NIBAN2: variants seen among roughly 807,000 people sequenced by gnomAD.
The protein encoded by NIBAN2 is niban apoptosis regulator 2, also known as protein Niban 2.
In NIBAN2, 36 loss-of-function variants were observed where a neutral mutation model predicts 81.8. The observed-to-expected ratio is 0.44, with a 90% CI of 0.34 to 0.58. The LOEUF (loss-of-function observed/expected upper bound fraction) is 0.58. Among genes scored for constraint, NIBAN2 ranks in the 20% least tolerant of loss-of-function variants. NIBAN2 has a pLI of 0.02. For synonymous variants in NIBAN2, 445 were observed against 441.6 expected (o/e 1.01, Z -0.10); for missense variants, 897 against 1,014.1 (o/e 0.88, Z 1.57).
rs1230242603 is a variant in NIBAN2, at chr9:127,554,548, CTTTTTTTTTTTTT to C, written c.55+14259_55+14271del. 3.0e-4 allele frequency among the ~76,000 whole-genome samples: 31 copies of C among 103,694 alleles called. 1 individual carries two copies. The highest frequency in any genetic ancestry group is 2.6e-3 in the Admixed American group (23 of 8,750). 68.0% of individuals were successfully genotyped at this position (103,694 alleles called of 152,430 possible). A position where few individuals can be genotyped will look rare whatever the true frequency, so the allele number is the denominator to read the frequency against. The stretch of plus-strand genomic sequence containing the variant: ...GGGTTATTCTTTTCTTTTTCTTTTT[CTTTTTTTTTTTTT>C]TTTTTTTTTTGCTTTTTGAGACAGG... On this transcript the variant is annotated intron_variant, in intron 1 of 13. Coordinates refer to ENST00000373312, the MANE Select transcript of NIBAN2 (RefSeq NM_022833.4).
intron 3 of NIBAN2, among the ~76,000 whole-genome samples, chr9:127,526,207 C>T (rs529587104): frequency 4.0e-4 from 61 of 152,018 alleles, no homozygotes; most frequent in African/African-American, 1.4e-3. Flanking sequence ...CAAGACCATC[C>T]GGGCCAACAT....
At chr9:127,534,096 G>T (rs181452678) in intron 1 of NIBAN2, among the ~76,000 whole-genome samples, 11 of 152,214 alleles carry the variant, frequency 7.2e-5, no homozygotes, top group Admixed American at 5.2e-4. Context: ...GCTGCAGCTC[G>T]CGTCCCAACT....
In NIBAN2 at chr9:127,508,067, G is replaced by A. The variant is rs893484306; in HGVS notation, c.1542+26C>T. The A allele has an allele frequency of 1.1e-5, 18 of 1,611,540 alleles. No homozygotes were observed. Among genetic ancestry groups the A allele is most frequent in the African/African-American group, 2.7e-5 (2 of 74,890 alleles). On this transcript the variant is annotated intron_variant, in intron 12 of 13. Coordinates refer to ENST00000373312, the MANE Select transcript of NIBAN2 (RefSeq NM_022833.4). This position sits in a 1 kb window ranked among gnomAD's most constrained non-coding sequence, Gnocchi z 6.4. ...CCATCCCCCAACTTAGGGCCCAAAC[G>A]GCTGGAGCAGGTGGGGGCTGCTCAC...
chr9:127,558,773 A>C (rs1311232287), intron 1 of NIBAN2, among the ~76,000 whole-genome samples: 1 of 152,214 alleles, frequency 6.6e-6, no homozygotes, highest in Non-Finnish European at 1.5e-5. Context: ...CTCCTCCTCT[A>C]GATGCCTGAA....
At chr9:127,537,716 A>T (rs752980865) in intron 1 of NIBAN2, among the ~76,000 whole-genome samples, 1 of 152,208 alleles carries the variant, frequency 6.6e-6, no homozygotes, top group South Asian at 2.1e-4. Flanking sequence ...CTTTGCCCCA[A>T]CACACACCAT....
At chr9:127,550,287 C>T (rs1837552975) in intron 1 of NIBAN2, among the ~76,000 whole-genome samples, 1 of 152,184 alleles carries the variant, frequency 6.6e-6, no homozygotes, top group East Asian at 1.9e-4. Flanking sequence ...TCCTTCCTGA[C>T]ACATTGGGAA....
At chr9:127,526,438 C>A (rs2806717) in intron 3 of NIBAN2, among the ~76,000 whole-genome samples, 66,336 of 149,356 alleles carry the variant, frequency 0.44, 15,554 homozygotes, top group Non-Finnish European at 0.51. Flanking sequence ...AGATGCAAAT[C>A]TTGGCTCCCA....
At chr9:127,527,610 C>T (rs1039922719) in intron 2 of NIBAN2, among the ~76,000 whole-genome samples, 11 of 152,332 alleles carry the variant, frequency 7.2e-5, no homozygotes, top group Middle Eastern at 3.4e-3. Flanking sequence ...GGCCTGGCCA[C>T]AGCCAGGCTC....
In NIBAN2 at chr9:127,517,779, T is replaced by G; in HGVS notation, c.705+47A>C. The G allele has an allele frequency of 7.0e-6, 10 of 1,425,412 alleles. No individual in the cohort carries two copies. Among genetic ancestry groups the G allele is most frequent in the Non-Finnish European group, 8.9e-6 (9 of 1,016,458 alleles). 88.3% of individuals were successfully genotyped at this position (1,425,412 alleles called of 1,614,324 possible). A position where few individuals can be genotyped will look rare whatever the true frequency, so the allele number is the denominator to read the frequency against. ...CCACCCCCTGCCCTCCCCTGCTGGG[T>G]CCTTGGGTGACTTCTGAGGTTTCCT... On this transcript the variant is annotated intron_variant, in intron 6 of 13. Transcript: ENST00000373312. This position sits in a 1 kb window ranked among gnomAD's most constrained non-coding sequence, Gnocchi z 4.0.
chr9:127,520,728 C>CA (rs1465720246), intron 5 of NIBAN2, among the ~76,000 whole-genome samples: 2 of 151,706 alleles, frequency 1.3e-5, no homozygotes, highest in Non-Finnish European at 2.9e-5. Flanking sequence ...ATTCTGGCTA[C>CA]AAAAAATTAG....
chr9:127,520,849 A>G (rs1588158707), intron 5 of NIBAN2, among the ~76,000 whole-genome samples: 1 of 152,080 alleles, frequency 6.6e-6, no homozygotes, highest in South Asian at 2.1e-4. Context: ...GCGCCACTGC[A>G]CTCCAGCCTG....
rs572486535 is a variant in NIBAN2 at position 127,507,725 on chromosome 9, C to T, written c.1654+142G>A. ...TAAGGCTGCTCCGGAGGCCACACAG[C>T]GAAGAGTGGGCTTCACCCAGACCCC... On this transcript the variant is annotated intron_variant, in intron 13 of 13. Coordinates refer to ENST00000373312, the MANE Select transcript of NIBAN2 (RefSeq NM_022833.4). The surrounding 1 kb of genome is among the most constrained non-coding windows in gnomAD (Gnocchi z 6.8). 1.3e-4 allele frequency: 104 copies of T among 779,886 alleles called. No homozygotes were observed. In the African/African-American group the frequency reaches 1.5e-3, roughly 11 times the overall value. The allele number at this position is 779,886 out of a possible 1,614,324, so 48.3% of individuals were successfully genotyped here.
intron 1 of NIBAN2, among the ~76,000 whole-genome samples, chr9:127,538,138 G>T (rs937624394): frequency 1.3e-5 from 2 of 152,174 alleles, no homozygotes; most frequent in African/African-American, 4.8e-5. Flanking sequence ...CAGCAAGTTG[G>T]TTGAATAAGG....
chr9:127,527,027 G>T (rs1355255955), intron 3 of NIBAN2, among the ~76,000 whole-genome samples, 167 bp downstream of exon 3: 1 of 152,190 alleles, frequency 6.6e-6, no homozygotes, highest in African/African-American at 2.4e-5. Flanking sequence ...AGGGCACCCA[G>T]GGCAGCCCAG....
chr9:127,531,888 T>C (rs1837190900), intron 1 of NIBAN2, 110 bp from the exon 2 acceptor site: 1 of 1,450,876 alleles, frequency 6.9e-7, no homozygotes, highest in Non-Finnish European at 9.4e-7. Flanking sequence ...GCATGTGGAA[T>C]TGTTTGCACA....
chr9:127,526,758 A>G (rs933652703), intron 3 of NIBAN2, among the ~76,000 whole-genome samples: 5 of 152,152 alleles, frequency 3.3e-5, no homozygotes, highest in Non-Finnish European at 5.9e-5. Flanking sequence ...ACCCACCTGT[A>G]GGGCAGGGGC....
In NIBAN2 at chr9:127,548,522, G is replaced by C. The variant is rs866467186; in HGVS notation, c.56-16744C>G. ...TTCCTGTAGGCAGCCTTAGGGGGTG[G>C]AGAAGTCCAAAGACCAACAGTGCTT... On this transcript the variant is annotated intron_variant, in intron 1 of 13. Transcript: ENST00000373312. Among the ~76,000 whole-genome samples, 4 of 152,312 alleles carry C rather than the reference G, an allele frequency of 2.6e-5. No homozygotes were observed. In the South Asian group the frequency reaches 8.3e-4, roughly 32 times the overall value.
At chr9:127,555,540 G>A (rs940865033) in intron 1 of NIBAN2, among the ~76,000 whole-genome samples, 6 of 152,284 alleles carry the variant, frequency 3.9e-5, no homozygotes, top group African/African-American at 1.2e-4. Context: ...AGTGGGGAGC[G>A]GCAGCTCACG....
intron 4 of NIBAN2, among the ~76,000 whole-genome samples, chr9:127,524,234 A>G (rs1428190035): frequency 6.6e-6 from 1 of 152,168 alleles, no homozygotes; most frequent in Non-Finnish European, 1.5e-5. Context: ...GTGTGGCTTA[A>G]GTGTCCACAG....
Sources: gnomAD v4.1 joint callset for allele counts (sites outside exome capture counted in the v4.1 genomes callset) on GRCh38, gnomAD v4.1.1 for gene constraint, Gnocchi (gnomAD v3.1) non-coding constraint, MANE v1.5 for transcripts, NCBI Gene and HGNC (gene_info 2026-07-23, HGNC 2026-07-21) for gene names.